The following CMTM8 variants were observed in gnomAD, a reference collection of about 807,000 sequenced individuals.
CMTM8 encodes the protein CKLF-like MARVEL transmembrane domain-containing protein 8.
In CMTM8, 12 loss-of-function variants were observed where a neutral mutation model predicts 18.6. The ratio of observed to expected loss-of-function variants is 0.65; its 90% CI spans 0.41 to 1.05. The LOEUF (loss-of-function observed/expected upper bound fraction) is 1.05. Ranked by LOEUF, CMTM8 falls within the 50% of genes least tolerant of loss-of-function variation. The pLI is 0.00. For missense variants in CMTM8, 217 were observed against 227.2 expected, an observed-to-expected ratio of 0.95 and a Z score of 0.29; for synonymous variants, 87 against 90.6, an observed-to-expected ratio of 0.96 and a Z score of 0.23.
At chr3:32,323,705 G>A (rs545374628) in intron 1 of CMTM8, among the ~76,000 whole-genome samples, 312 of 152,286 alleles carry the variant, frequency 2.0e-3, no homozygotes, top group African/African-American at 7.1e-3. Context: ...CATAACTCTA[G>A]AGATGGCCAA....
intron 1 of CMTM8, among the ~76,000 whole-genome samples, chr3:32,349,749 T>C (rs1030650002): frequency 1.6e-4 from 24 of 152,286 alleles, no homozygotes; most frequent in African/African-American, 5.8e-4. Flanking sequence ...GGCTCACACC[T>C]GTAATCCCAG....
chr3:32,346,228 A>G (rs142134764), intron 1 of CMTM8, among the ~76,000 whole-genome samples: 2 of 152,314 alleles, frequency 1.3e-5, no homozygotes, highest in African/African-American at 4.8e-5. Context: ...GTAGACCCAA[A>G]AGGCTTGTGA....
At chr3:32,246,252 C>T (rs532015163) in intron 1 of CMTM8, among the ~76,000 whole-genome samples, 1 of 152,280 alleles carries the variant, frequency 6.6e-6, no homozygotes, top group South Asian at 2.1e-4. Context: ...GCCCCCCTGC[C>T]ATCTGATGTC....
At chr3:32,257,361 C>T (rs1000811031) in intron 1 of CMTM8, among the ~76,000 whole-genome samples, 2 of 152,168 alleles carry the variant, frequency 1.3e-5, no homozygotes. Flanking sequence ...GGAGATTTCT[C>T]TTATTTTCTG....
Position 32,295,455 on chromosome 3 carries a change from C to CAAAA in CMTM8, c.147+56356_147+56359dup, listed in dbSNP as rs1400148634. 6.5e-3 allele frequency among the ~76,000 whole-genome samples: 178 copies of CAAAA among 27,492 alleles called. 16 individuals are homozygous for CAAAA. The highest frequency in any genetic ancestry group is 0.016 in the African/African-American group (118 of 7,446). The allele number at this position is 27,492 out of a possible 152,430, so 18.0% of individuals were successfully genotyped here. ...TGGGCAATAAAGCGAGACTCCATCT[C>CAAAA]AAAAAAAAAAAAAAAAAAAAAAACA... On this transcript the variant is annotated intron_variant, in intron 1 of 3. Coordinates refer to ENST00000307526, the MANE Select transcript of CMTM8 (RefSeq NM_178868.5).
At chr3:32,352,132 C>A (rs544235377) in intron 1 of CMTM8, among the ~76,000 whole-genome samples, 4 of 142,628 alleles carry the variant, frequency 2.8e-5, no homozygotes, top group South Asian at 2.2e-4. Flanking sequence ...GAGCCAAGAT[C>A]ACACCACTGC....
At chr3:32,251,583 G>A (rs1232461929) in intron 1 of CMTM8, among the ~76,000 whole-genome samples, 1 of 151,884 alleles carries the variant, frequency 6.6e-6, no homozygotes, top group Non-Finnish European at 1.5e-5. Context: ...CAAAATGCTA[G>A]GATTACATGC....
In CMTM8 at chr3:32,354,442, G is replaced by T. The variant is rs959602027; in HGVS notation, c.148-2931G>T. 4.6e-5 allele frequency among the ~76,000 whole-genome samples: 7 copies of T among 152,262 alleles called. No individual in the cohort carries two copies. The East Asian group carries it at 1.4e-3, about 29-fold the overall frequency. Reference sequence around the variant, plus strand: ...CATGGGTCAAGTATTCCCGTTCTTTGAAAGACGGCTCAGTTAACAATATTG... The same window carrying T: ...CATGGGTCAAGTATTCCCGTTCTTTTAAAGACGGCTCAGTTAACAATATTG... On this transcript the variant is annotated intron_variant, in intron 1 of 3. Transcript: ENST00000307526.
intron 1 of CMTM8, among the ~76,000 whole-genome samples, chr3:32,313,289 G>A (rs1308575211): frequency 6.6e-6 from 1 of 152,116 alleles, no homozygotes; most frequent in East Asian, 1.9e-4. Flanking sequence ...CCTGAGCACT[G>A]GGAGAACAGG....
At chr3:32,263,793 C>T (rs1702292616) in intron 1 of CMTM8, among the ~76,000 whole-genome samples, 1 of 152,104 alleles carries the variant, frequency 6.6e-6, no homozygotes, top group Non-Finnish European at 1.5e-5. Flanking sequence ...ACGAGAACTA[C>T]GTGACGAATG....
intron 1 of CMTM8, among the ~76,000 whole-genome samples, chr3:32,350,940 T>G (rs1044651788): frequency 1.2e-4 from 18 of 152,342 alleles, no homozygotes; most frequent in African/African-American, 4.3e-4. Flanking sequence ...ATTACAGGTG[T>G]GAGCCACCGC....
chr3:32,241,785 C>G (rs1489781615), intron 1 of CMTM8, among the ~76,000 whole-genome samples: 2 of 152,236 alleles, frequency 1.3e-5, no homozygotes, highest in Non-Finnish European at 2.9e-5. Context: ...GTAAATACCA[C>G]TTACAACTGA....
chr3:32,358,422 G>A lies in CMTM8; in HGVS notation c.321+876G>A, dbSNP rs1031114751. On this transcript the variant is annotated intron_variant, in intron 2 of 3. Coordinates refer to ENST00000307526, the MANE Select transcript of CMTM8 (RefSeq NM_178868.5). This position sits in a 1 kb window ranked among gnomAD's most constrained non-coding sequence, Gnocchi z 4.1. ...TCCCAGTGGTACCACATGTGTTTAT[G>A]TATAAAACAGAGCTCTCCAGTGATA... 2.0e-5 allele frequency among the ~76,000 whole-genome samples: 3 copies of A among 152,204 alleles called. No homozygotes were observed. Among genetic ancestry groups the A allele is most frequent in the Non-Finnish European group, 4.4e-5 (3 of 68,024 alleles).
rs151222624 is a variant in CMTM8, at chr3:32,305,118, G to C, written c.148-52255G>C. ...CATTTTTGTTTCAAACATATTAAAT[G>C]TTTCTACAAAGCCATCTTCGAGTTG... On this transcript the variant is annotated intron_variant, in intron 1 of 3. Coordinates refer to ENST00000307526, the MANE Select transcript of CMTM8 (RefSeq NM_178868.5). Among the ~76,000 whole-genome samples, 318 of 151,938 alleles carry C rather than the reference G, an allele frequency of 2.1e-3. 1 individual carries two copies. The highest frequency in any genetic ancestry group is 7.4e-3 in the African/African-American group (306 of 41,466).
At position 32,298,114 on chromosome 3, in the gene CMTM8, C is replaced by T. The variant is rs916096258; in HGVS notation, c.147+58995C>T. Among the ~76,000 whole-genome samples, 13 of 149,294 alleles carry T rather than the reference C, an allele frequency of 8.7e-5. No individual in the cohort carries two copies. The East Asian group carries it at 1.6e-3, about 18-fold the overall frequency. On this transcript the variant is annotated intron_variant, in intron 1 of 3. Coordinates refer to ENST00000307526, the MANE Select transcript of CMTM8 (RefSeq NM_178868.5). ...GGCAGTGGCTGGAGTCTCGTTCTGT[C>T]GCTGAGGCTGGAGTGCAGTGGCACA...
rs1487608489 is a variant in CMTM8, at chr3:32,333,689, G to C, written c.148-23684G>C. 2.0e-5 allele frequency among the ~76,000 whole-genome samples: 3 copies of C among 151,318 alleles called. No homozygotes were observed. The East Asian group carries it at 5.8e-4, about 29-fold the overall frequency. On this transcript the variant is annotated intron_variant, in intron 1 of 3. Coordinates refer to ENST00000307526, the MANE Select transcript of CMTM8 (RefSeq NM_178868.5). ...TACCGAGACATTGGAAAGATTACTG[G>C]TTGCCAAGGGTTAGAAATGATGCAG...
intron 2 of CMTM8, among the ~76,000 whole-genome samples, chr3:32,364,909 G>A (rs777499944): frequency 3.3e-5 from 5 of 152,216 alleles, no homozygotes; most frequent in African/African-American, 1.2e-4. Flanking sequence ...GGGGATGTTC[G>A]CAGCAGTGAT....
rs144534884 is a variant in CMTM8, at chr3:32,290,662, A to G, written c.147+51543A>G. 6.6e-5 allele frequency among the ~76,000 whole-genome samples: 10 copies of G among 152,376 alleles called. No homozygotes were observed. In the East Asian group the frequency reaches 1.9e-3, roughly 29 times the overall value. On this transcript the variant is annotated intron_variant, in intron 1 of 3. Transcript: ENST00000307526. ...AACAAATTTTTCTGTTATTTTAACAATACAAGCAAATTCTGGAATTTAAAA... is the reference window on the plus strand; with the variant it reads ...AACAAATTTTTCTGTTATTTTAACAGTACAAGCAAATTCTGGAATTTAAAA...
intron 1 of CMTM8, among the ~76,000 whole-genome samples, chr3:32,244,195 G>A (rs970555476): frequency 2.0e-5 from 3 of 152,158 alleles, no homozygotes; most frequent in Non-Finnish European, 4.4e-5. Flanking sequence ...TCTTACCTAA[G>A]GAGTTTTTTT....
Sources: gnomAD v4.1 joint callset for allele counts (sites outside exome capture counted in the v4.1 genomes callset) on GRCh38, gnomAD v4.1.1 for gene constraint, Gnocchi (gnomAD v3.1) non-coding constraint, MANE v1.5 for transcripts, NCBI Gene and HGNC (gene_info 2026-07-23, HGNC 2026-07-21) for gene names.